A2ML1: variants seen among roughly 807,000 people sequenced by gnomAD.
The protein encoded by A2ML1 is alpha-2-macroglobulin like 1.
A2ML1 carries 161 observed loss-of-function variants against 181.9 expected under a neutral mutation model. The ratio of observed to expected loss-of-function variants is 0.89; its 90% confidence interval spans 0.78 to 1.01. The LOEUF is 1.01. Ranked by LOEUF, A2ML1 falls within the 50% of genes least tolerant of loss-of-function variation. The pLI is 0.00. For synonymous variants in A2ML1, 663 were observed against 666.8 expected (o/e 0.99, Z 0.09); for missense variants, 1,670 against 1,768.1 (o/e 0.94, Z 1.00).
In A2ML1 at chr12:8,834,786, G is replaced by A; in HGVS notation, c.483+104G>A. The A allele has an allele frequency of 6.9e-6, 10 of 1,450,480 alleles. No homozygotes were observed. In the South Asian group the frequency reaches 7.1e-5, roughly 10 times the overall value. The allele number at this position is 1,450,480 out of a possible 1,614,324, so 89.9% of individuals were successfully genotyped here. ...GAAGCAACTCTGAGATCTTGGCCCAGAGCCCCATGACTCTGCCCAGCACCG... is the reference window on the plus strand; with the variant it reads ...GAAGCAACTCTGAGATCTTGGCCCAAAGCCCCATGACTCTGCCCAGCACCG... On this transcript the variant is annotated intron_variant, in intron 5 of 35. Coordinates refer to ENST00000299698, the MANE Select transcript of A2ML1 (RefSeq NM_144670.6).
chr12:8,854,896 ATT>A (rs397850452), intron 22 of A2ML1, 65 bp downstream of exon 22: 4,046 of 1,281,020 alleles, frequency 3.2e-3, no homozygotes, highest in Non-Finnish European at 3.5e-3. Flanking sequence ...TTTTCTTTTC[ATT>A]TTTTTTTTTT....
At position 8,852,384 on chromosome 12, in the gene A2ML1, A is replaced by T; in HGVS notation, c.2590+48A>T. 6.2e-7 allele frequency: 1 copy of T among 1,609,906 alleles called. No homozygotes were observed. Among genetic ancestry groups the T allele is most frequent in the East Asian group, 2.2e-5 (1 of 44,834 alleles). ...GGGCGAGGAAAGCCAGCAGCAGAAG[A>T]CCAGTGACTGAGCACTCAGTCTTTT... is the stretch of plus-strand genomic sequence containing the variant. On this transcript the variant is annotated intron_variant, in intron 20 of 35. Coordinates refer to ENST00000299698, the MANE Select transcript of A2ML1 (RefSeq NM_144670.6). This position sits in a 1 kb window ranked among gnomAD's most constrained non-coding sequence, Gnocchi z 4.2.
intron 3 of A2ML1, among the ~76,000 whole-genome samples, chr12:8,828,938 C>G (rs1038223084): frequency 1.8e-4 from 28 of 152,202 alleles, no homozygotes; most frequent in African/African-American, 6.8e-4. Context: ...GCATTGCATT[C>G]TAAAGCCAAG....
At position 8,845,452 on chromosome 12, in the gene A2ML1, A is replaced by G. The variant is rs771450618; in HGVS notation, c.1487A>G (p.Lys496Arg). Residue 496 changes from lysine (K) to arginine (R), a missense_variant, in exon 13 of 36, where the codon AAA becomes AGA. Physicochemically the swap from Lys to Arg is conservative, Grantham distance 26. Transcript: ENST00000299698. ...TCTTTTCTTCTTTAGTTAATAGGGA[A>G]AGGAAGTTTGGTGATGGAGGGGCAG... is the stretch of plus-strand genomic sequence containing the variant. Reference protein sequence around the residue: ...EISFSYYLIGKGSLVMEGQKH... With the variant: ...EISFSYYLIGRGSLVMEGQKH... The G allele has an allele frequency of 1.5e-5, 24 of 1,614,068 alleles. No homozygotes were observed. In the South Asian group the frequency reaches 2.5e-4, roughly 17 times the overall value.
intron 11 of A2ML1, 108 bp from the exon 12 acceptor site, chr12:8,843,026 G>A (rs1352729430): frequency 2.1e-6 from 2 of 946,214 alleles, no homozygotes; most frequent in Non-Finnish European, 1.6e-6. Flanking sequence ...CCATTCTCAG[G>A]CAGTGAAGAT....
At chr12:8,842,219 TTC>T (rs1354986510) in intron 11 of A2ML1, among the ~76,000 whole-genome samples, 2 of 148,546 alleles carry the variant, frequency 1.3e-5, no homozygotes, top group Admixed American at 6.7e-5. Context: ...ATATGTTTTT[TTC>T]TTTTTTTTTT....
In A2ML1 at chr12:8,852,760, A is replaced by C. The variant is rs906619674; in HGVS notation, c.2590+424A>C. Among the ~76,000 whole-genome samples, 3 of 152,014 alleles carry C rather than the reference A, an allele frequency of 2.0e-5. No homozygotes were observed. Among genetic ancestry groups the C allele is most frequent in the African/African-American group, 7.2e-5 (3 of 41,400 alleles). On this transcript the variant is annotated intron_variant, in intron 20 of 35. Transcript: ENST00000299698. The surrounding 1 kb of genome is among the most constrained non-coding windows in gnomAD (Gnocchi z 4.2). ...TGCGCAGGCTGGAGTGCAGTGGTGC[A>C]ATCTGTGCTTACTGCAACCTCCACC... is the stretch of plus-strand genomic sequence containing the variant.
At chr12:8,862,338 G>A (rs1042440233) in intron 28 of A2ML1, among the ~76,000 whole-genome samples, 1 of 152,060 alleles carries the variant, frequency 6.6e-6, no homozygotes, top group African/African-American at 2.4e-5. Flanking sequence ...GAGTAGCTGG[G>A]ATTACAGGTG....
Position 8,873,597 on chromosome 12 carries a change from T to G in A2ML1, c.4222-828T>G, listed in dbSNP as rs1318945987. Among the ~76,000 whole-genome samples, 20 of 150,806 alleles carry G rather than the reference T, an allele frequency of 1.3e-4. 2 individuals carry two copies. Among genetic ancestry groups the G allele is most frequent in the African/African-American group, 5.0e-4 (20 of 40,104 alleles). On this transcript the variant is annotated intron_variant, in intron 33 of 35. Transcript: ENST00000299698. ...GGTTTTTAAAAATTACATGTATATG[T>G]GTATACACACACATTTTTTTTCAGT...
intron 2 of A2ML1, 101 bp from the exon 3 acceptor site, chr12:8,823,619 T>G: frequency 7.4e-7 from 1 of 1,342,778 alleles, no homozygotes; most frequent in Non-Finnish European, 1.0e-6. Context: ...GCTACCCCCA[T>G]CTAACTCAGC....
chr12:8,874,057 CCAGGCTGGAGTG>C (rs1372001245), intron 33 of A2ML1, among the ~76,000 whole-genome samples: 1 of 152,010 alleles, frequency 6.6e-6, no homozygotes, highest in African/African-American at 2.4e-5. Flanking sequence ...GCTCTGTCGC[CCAGGCTGGAGTG>C]CAGTGGCGCC....
At position 8,841,506 on chromosome 12, in the gene A2ML1, C is replaced by A. The variant is rs747023059; in HGVS notation, c.1218C>A (p.Ser406=). ...NGLAPFTLET[S]GWNGTDVSLE... is the part of the protein sequence containing the mutation. ...TAGCTCCCTTTACCTTGGAGACATC[C>A]GGTTGGAATGGGACAGACGTTTCTC... Residue 406 remains serine, a synonymous_variant, in exon 11 of 36, where the codon TCC becomes TCA. Transcript: ENST00000299698. 1.2e-6 allele frequency: 2 copies of A among 1,614,012 alleles called. No homozygotes were observed. Among genetic ancestry groups the A allele is most frequent in the South Asian group, 1.1e-5 (1 of 91,060 alleles).
Position 8,841,425 on chromosome 12 carries a change from G to C in A2ML1, c.1137G>C (p.Val379=). 6.2e-7 allele frequency: 1 copy of C among 1,614,120 alleles called. No individual in the cohort carries two copies. The highest frequency in any genetic ancestry group is 2.2e-5 in the East Asian group (1 of 44,880). Residue 379 remains valine (V), a synonymous_variant, in exon 11 of 36, where the codon GTG becomes GTC. Transcript: ENST00000299698. Reference sequence around the variant, plus strand: ...TCAAGAACCATCTAGTGTTTCTGGTGATTTATGGCACAAATGGAACCTTCA... The same window carrying C: ...TCAAGAACCATCTAGTGTTTCTGGTCATTTATGGCACAAATGGAACCTTCA... ...SFLKNHLVFL[V]IYGTNGTFNQ...
rs1344505632 is a variant in A2ML1 at position 8,861,146 on chromosome 12, G to A, written c.3351G>A (p.Val1117=). Residue 1117 remains valine (V), a synonymous_variant, in exon 28 of 36, where the codon GTG becomes GTA. Coordinates refer to ENST00000299698, the MANE Select transcript of A2ML1 (RefSeq NM_144670.6). ...TCTTCACTTTTTAGGACCCAATGGT[G>A]AGTCAGGGTCTACGGTGTCTCAAGA... ...EMGKDVDDPM[V]SQGLRCLKNS... 2 of 1,614,146 alleles carry A rather than the reference G, an allele frequency of 1.2e-6. No individual in the cohort carries two copies. The highest frequency in any genetic ancestry group is 2.2e-5 in the East Asian group (1 of 44,888).
At chr12:8,877,726 A>T (rs1234919622), downstream of A2ML1, among the ~76,000 whole-genome samples, 3 of 152,210 alleles carry the variant, frequency 2.0e-5, no homozygotes, top group African/African-American at 7.2e-5. Context: ...ATGCTAACAC[A>T]CTGTTGGTGG....
At chr12:8,844,878 G>A (rs943279927) in intron 12 of A2ML1, 3 of 717,158 alleles carry the variant, frequency 4.2e-6, no homozygotes, top group Non-Finnish European at 5.6e-6. Flanking sequence ...CCAAGGAACC[G>A]ACCTTGGAGC....
At chr12:8,827,358 C>A (rs761124685) in intron 3 of A2ML1, among the ~76,000 whole-genome samples, 46 of 152,252 alleles carry the variant, frequency 3.0e-4, no homozygotes, top group South Asian at 6.2e-4. Flanking sequence ...ATATTGATAT[C>A]TTTCTCTAGG....
chr12:8,856,054 C>G (rs1392916797), intron 23 of A2ML1, among the ~76,000 whole-genome samples: 1 of 152,140 alleles, frequency 6.6e-6, no homozygotes, highest in Non-Finnish European at 1.5e-5. Flanking sequence ...GCCATGTGAC[C>G]CTGAACAAGT....
rs771794782 is a variant in A2ML1 at position 8,848,708 on chromosome 12, C to G, written c.1834-12C>G. On this transcript the variant is annotated splice_polypyrimidine_tract_variant and intron_variant, in intron 15 of 35. Transcript: ENST00000299698. ...TATCAATGCTTTATTTCCTCTCCCC[C>G]TCTTGTCCCAGGTCTATGGGATGTT... The G allele has an allele frequency of 1.2e-5, 19 of 1,581,768 alleles. No individual in the cohort carries two copies. The South Asian group carries it at 1.9e-4, about 16-fold the overall frequency.
Sources: allele counts gnomAD v4.1 joint callset (sites outside exome capture counted in the v4.1 genomes callset), GRCh38; gene constraint gnomAD v4.1.1; non-coding constraint Gnocchi (gnomAD v3.1); transcripts MANE v1.5; gene names NCBI Gene and HGNC (gene_info 2026-07-23, HGNC 2026-07-21).